The following MAN2A1 variants were observed in gnomAD, a reference collection of about 807,000 sequenced individuals.
MAN2A1 encodes mannosidase alpha class 2A member 1, also known as alpha-mannosidase 2.
A neutral mutation model predicts 142.6 loss-of-function variants in MAN2A1; 76 were observed. The observed-to-expected ratio is 0.53, with a 90% CI of 0.44 to 0.65. The LOEUF is 0.65. MAN2A1 is among the 30% of genes least tolerant of loss of function. The pLI is 0.00. For synonymous variants in MAN2A1, 559 were observed against 473.2 expected (o/e 1.18, Z -2.35); for missense variants, 1,311 against 1,365.1 (o/e 0.96, Z 0.62).
In MAN2A1 at chr5:109,737,604, T is replaced by C. The variant is rs150384802; in HGVS notation, c.707+8091T>C. Among the ~76,000 whole-genome samples, 125 of 152,282 alleles carry C rather than the reference T, an allele frequency of 8.2e-4. 1 individual carries two copies. The highest frequency in any genetic ancestry group is 2.4e-3 in the African/African-American group (100 of 41,552). Reference sequence around the variant, plus strand: ...TCGTACAGTCAGTTTTGCTGTCATATTGCATACACGTTCTTAAAAATAATG... The same window carrying C: ...TCGTACAGTCAGTTTTGCTGTCATACTGCATACACGTTCTTAAAAATAATG... On this transcript the variant is annotated intron_variant, in intron 4 of 21. Transcript: ENST00000261483.
rs369936251 is a variant in MAN2A1 at position 109,691,396 on chromosome 5, T to C, written c.135+844T>C. Among the ~76,000 whole-genome samples, 17 of 152,278 alleles carry C rather than the reference T, an allele frequency of 1.1e-4. No homozygotes were observed. In the East Asian group the frequency reaches 1.5e-3, roughly 14 times the overall value. ...CAATATAACCCGTGCACTTCAGAAA[T>C]TGCGGTGAAACTGGGTATTGTGTAG... On this transcript the variant is annotated intron_variant, in intron 1 of 21. Coordinates refer to ENST00000261483, the MANE Select transcript of MAN2A1 (RefSeq NM_002372.4).
chr5:109,770,657 T>C, intron 7 of MAN2A1, 116 bp downstream of exon 7: 2 of 921,414 alleles, frequency 2.2e-6, no homozygotes, highest in Non-Finnish European at 3.3e-6. Context: ...TTGTTTGAAG[T>C]ATTCATTCAA....
intron 20 of MAN2A1, among the ~76,000 whole-genome samples, chr5:109,857,528 C>T (rs928638330): frequency 7.9e-5 from 12 of 152,156 alleles, no homozygotes. Context: ...AGCCTCACTT[C>T]TAGGTGGCTC....
At chr5:109,734,465 G>A (rs1403951355) in intron 4 of MAN2A1, among the ~76,000 whole-genome samples, 1 of 151,832 alleles carries the variant, frequency 6.6e-6, no homozygotes, top group Admixed American at 6.6e-5. Flanking sequence ...GTGATGTTAG[G>A]GTGTCAATTT....
intron 19 of MAN2A1, among the ~76,000 whole-genome samples, chr5:109,852,208 C>T (rs377142055): frequency 6.6e-6 from 1 of 151,666 alleles, no homozygotes; most frequent in Non-Finnish European, 1.5e-5. Flanking sequence ...CAAATCTGCC[C>T]CACAGTCTTC....
At chr5:109,738,705 T>G (rs1342915685) in intron 4 of MAN2A1, among the ~76,000 whole-genome samples, 1 of 152,224 alleles carries the variant, frequency 6.6e-6, no homozygotes, top group Non-Finnish European at 1.5e-5. Context: ...ACAACATGCT[T>G]AGCACAATGC....
chr5:109,791,723 G>A (rs970791786), intron 12 of MAN2A1, among the ~76,000 whole-genome samples: 2 of 151,904 alleles, frequency 1.3e-5, no homozygotes, highest in South Asian at 2.1e-4. Flanking sequence ...GATATAGTAC[G>A]TAACAGGTAA....
intron 16 of MAN2A1, among the ~76,000 whole-genome samples, chr5:109,837,321 C>T (rs998852315): frequency 1.3e-5 from 2 of 151,756 alleles, no homozygotes; most frequent in Non-Finnish European, 1.5e-5. Flanking sequence ...GCCTCTTGTG[C>T]TTTATTTCAC....
rs201676335 is a variant in MAN2A1, at chr5:109,844,017, CA to C, written c.2700+1557del. On this transcript the variant is annotated intron_variant, in intron 17 of 21. Transcript: ENST00000261483. ...AACTTTTTCCAAAACATAAAAATTGCAGCATACATTCTGAATTAGCATGTTA... is the reference window on the plus strand; with the variant it reads ...AACTTTTTCCAAAACATAAAAATTGCGCATACATTCTGAATTAGCATGTTA... Among the ~76,000 whole-genome samples the C allele has an allele frequency of 9.4e-3, 1,435 of 152,282 alleles. 22 individuals carry two copies. Among genetic ancestry groups the C allele is most frequent in the African/African-American group, 0.032 (1,350 of 41,558 alleles).
At position 109,869,408 on chromosome 5, in the gene MAN2A1, A is replaced by G. The variant is rs1755958275; in HGVS notation, c.*2410A>G. ...ACTGATTAAAATAAAATGCTGTAAA[A>G]TGTGATGTAAAACATTATCATGATC... On this transcript the variant is annotated 3_prime_UTR_variant, in exon 22 of 22. Transcript: ENST00000261483. 1 of 152,200 alleles carries G rather than the reference A, an allele frequency of 6.6e-6. No individual in the cohort carries two copies. Among genetic ancestry groups the G allele is most frequent in the African/African-American group, 2.4e-5 (1 of 41,448 alleles). 9.4% of individuals were successfully genotyped at this position (152,200 alleles called of 1,614,324 possible).
chr5:109,819,664 TA>T lies in MAN2A1; in HGVS notation c.2110-2del. 1 of 1,534,256 alleles carries T rather than the reference TA, an allele frequency of 6.5e-7. No homozygotes were observed. On this transcript the variant is annotated splice_region_variant and splice_polypyrimidine_tract_variant and intron_variant, in intron 13 of 21. Transcript: ENST00000261483. ...TTAATAAATTCCCTTCCCTATCTTTTAAAGATCTCTTTTCGAGCACATATAC... is the reference window on the plus strand; with the variant it reads ...TTAATAAATTCCCTTCCCTATCTTTTAAGATCTCTTTTCGAGCACATATAC...
intron 8 of MAN2A1, among the ~76,000 whole-genome samples, chr5:109,775,340 A>G (rs1292414555): frequency 6.6e-6 from 1 of 152,058 alleles, no homozygotes; most frequent in Non-Finnish European, 1.5e-5. Flanking sequence ...CATCCTTGTG[A>G]TTTAGTAGCA....
At chr5:109,754,126 G>A (rs991376542) in intron 4 of MAN2A1, among the ~76,000 whole-genome samples, 6 of 151,940 alleles carry the variant, frequency 3.9e-5, no homozygotes, top group African/African-American at 1.4e-4. Flanking sequence ...TGCCCAGGCT[G>A]GTCTAGAATT....
chr5:109,763,295 A>T (rs1007700247), intron 5 of MAN2A1, among the ~76,000 whole-genome samples: 3 of 152,174 alleles, frequency 2.0e-5, no homozygotes, highest in Non-Finnish European at 1.5e-5. Flanking sequence ...TTTAATTAGT[A>T]GGCTTTTGAG....
At chr5:109,824,528 T>G (rs1305735507) in intron 16 of MAN2A1, among the ~76,000 whole-genome samples, 1 of 152,166 alleles carries the variant, frequency 6.6e-6, no homozygotes, top group African/African-American at 2.4e-5. Flanking sequence ...AACTACAGAT[T>G]TAATCCTAAT....
At chr5:109,838,351 T>C (rs1362950224) in intron 16 of MAN2A1, among the ~76,000 whole-genome samples, 1 of 152,152 alleles carries the variant, frequency 6.6e-6, no homozygotes, top group African/African-American at 2.4e-5. Flanking sequence ...TCTTGTAAAG[T>C]GTTAAAGAGA....
At chr5:109,790,070 A>T (rs566924687) in intron 12 of MAN2A1, among the ~76,000 whole-genome samples, 1 of 151,960 alleles carries the variant, frequency 6.6e-6, no homozygotes, top group South Asian at 2.1e-4. Context: ...GTGGCTACCT[A>T]ATAATTATAA....
intron 20 of MAN2A1, among the ~76,000 whole-genome samples, chr5:109,857,433 C>G (rs1434262197): frequency 1.3e-5 from 2 of 152,098 alleles, no homozygotes; most frequent in African/African-American, 4.8e-5. Context: ...CTTGAGGTTA[C>G]CACCACCCAG....
intron 16 of MAN2A1, among the ~76,000 whole-genome samples, chr5:109,841,557 G>T (rs983978126): frequency 6.6e-6 from 1 of 152,082 alleles, no homozygotes; most frequent in Non-Finnish European, 1.5e-5. Context: ...TTGACCCAAG[G>T]CCTCACTGAG....
Sources: allele counts gnomAD v4.1 joint callset (sites outside exome capture counted in the v4.1 genomes callset), GRCh38; gene constraint gnomAD v4.1.1; transcripts MANE v1.5; gene names NCBI Gene and HGNC (gene_info 2026-07-23, HGNC 2026-07-21).